Variants in ARHGEF18 observed in about 807,000 individuals in gnomAD.
ARHGEF18 encodes Rho/Rac guanine nucleotide exchange factor 18.
A neutral mutation model predicts 155.7 loss-of-function variants in ARHGEF18; 93 were observed. That is an observed-to-expected ratio of 0.60 (90% CI 0.50 to 0.71). The LOEUF is 0.71. Ranked by LOEUF, ARHGEF18 falls within the 30% of genes least tolerant of loss-of-function variation. The probability of loss-of-function intolerance (pLI) is 0.00; values close to 1 mark genes in which losing one functional copy is unlikely to be tolerated. For synonymous variants in ARHGEF18, 742 were observed against 753.1 expected, an observed-to-expected ratio of 0.99 and a Z score of 0.24; for missense variants, 1,593 against 1,816.1, an observed-to-expected ratio of 0.88 and a Z score of 2.23.
At chr19:7,439,664 G>GCCGTATCATTAAAAA in intron 10 of ARHGEF18, 1 of 1,178,232 alleles carries the variant, frequency 8.5e-7, no homozygotes, top group Admixed American at 4.2e-5. Context: ...AATTCTGTTC[G>GCCGTATCATTAAAAA]AGTGCTGATG....
At chr19:7,442,119 TCCCTC>T in intron 13 of ARHGEF18, 67 bp downstream of exon 13, 1 of 1,469,672 alleles carries the variant, frequency 6.8e-7, no homozygotes, top group African/African-American at 1.5e-5. Context: ...CCTCCCTTCC[TCCCTC>T]CCTTCCTTCC....
intron 1 of ARHGEF18, among the ~76,000 whole-genome samples, chr19:7,360,393 G>GC (rs1401576439): frequency 6.6e-6 from 1 of 152,016 alleles, no homozygotes; most frequent in Non-Finnish European, 1.5e-5. Context: ...ATGCCACCAT[G>GC]CCCAGCTAAT....
At chr19:7,438,031 CT>C (rs1334291132) in intron 10 of ARHGEF18, among the ~76,000 whole-genome samples, 5 of 119,806 alleles carry the variant, frequency 4.2e-5, no homozygotes, top group South Asian at 3.7e-4. Context: ...TTCCCTTCCC[CT>C]CTCCTCTTCT....
Position 7,450,431 on chromosome 19 carries a change from CTTTCCG to C in ARHGEF18, c.1738-705_1738-700del, listed in dbSNP as rs1242782187. On this transcript the variant is annotated intron_variant, in intron 15 of 28. Transcript: ENST00000668164. Reference sequence around the variant, plus strand: ...TCCAAGATGTTAATGCGGGATCTTGCTTTCCGTTTCCGTTTCCGAGATGTTAATACA... The same window carrying C: ...TCCAAGATGTTAATGCGGGATCTTGCTTTCCGTTTCCGAGATGTTAATACA... 6.9e-3 allele frequency among the ~76,000 whole-genome samples: 10 copies of C among 1,454 alleles called. No homozygotes were observed. The East Asian group carries it at 0.12, about 17-fold the overall frequency. The allele number at this position is 1,454 out of a possible 152,430, so 1.0% of individuals were successfully genotyped here.
Position 7,376,703 on chromosome 19 carries a change from A to G in ARHGEF18, c.487A>G (p.Ile163Val), listed in dbSNP as rs1970475273. Residue 163 changes from isoleucine (I) to valine (V), a missense_variant, in exon 5 of 29, where the codon ATC (isoleucine) becomes GTC (valine). Ile to Val is a conservative substitution (Grantham distance 29). Coordinates refer to ENST00000668164, the MANE Select transcript of ARHGEF18 (RefSeq NM_001367823.1). ...GTCCGTTCCTGTGTCCTTCTATGAGATCCGCTCTCCGGAAATCTCTCCGGG... is the reference window on the plus strand; with the variant it reads ...GTCCGTTCCTGTGTCCTTCTATGAGGTCCGCTCTCCGGAAATCTCTCCGGG... ...SRSVPVSFYE[I>V]RSPEISPGLE... 3 of 1,234,382 alleles carry G rather than the reference A, an allele frequency of 2.4e-6. No individual in the cohort carries two copies. In the East Asian group the frequency reaches 9.5e-5, roughly 39 times the overall value. 76.5% of individuals were successfully genotyped at this position (1,234,382 alleles called of 1,614,324 possible).
At chr19:7,351,049 C>T (rs1367454201) in intron 1 of ARHGEF18, among the ~76,000 whole-genome samples, 3 of 152,192 alleles carry the variant, frequency 2.0e-5, no homozygotes, top group African/African-American at 4.8e-5. Flanking sequence ...GGTGATCTGC[C>T]TGCCTTGGCC....
At chr19:7,402,627 T>C (rs952989362) in intron 10 of ARHGEF18, among the ~76,000 whole-genome samples, 1 of 151,798 alleles carries the variant, frequency 6.6e-6, no homozygotes, top group Non-Finnish European at 1.5e-5. Flanking sequence ...TAAGGAATGG[T>C]TTGAGACTGA....
chr19:7,421,822 A>G (rs954300480), intron 10 of ARHGEF18, among the ~76,000 whole-genome samples: 1 of 152,116 alleles, frequency 6.6e-6, no homozygotes, highest in African/African-American at 2.4e-5. Context: ...GCACGTCTCA[A>G]CAGCCTTCAG....
At chr19:7,460,550 C>T (rs1341866970) in intron 20 of ARHGEF18, among the ~76,000 whole-genome samples, 1 of 152,066 alleles carries the variant, frequency 6.6e-6, no homozygotes, top group African/African-American at 2.4e-5. Flanking sequence ...AGTCACTCCC[C>T]ACCCCATGCC....
At chr19:7,372,749 C>T (rs1568274601) in intron 2 of ARHGEF18, 63 bp from the exon 3 acceptor site, 6 of 1,230,274 alleles carry the variant, frequency 4.9e-6, no homozygotes, top group African/African-American at 1.5e-5. Flanking sequence ...GGTCAAGAGA[C>T]CCCAGGTTCT....
At chr19:7,416,254 T>A (rs1972999461) in intron 10 of ARHGEF18, among the ~76,000 whole-genome samples, 1 of 151,308 alleles carries the variant, frequency 6.6e-6, no homozygotes, top group Non-Finnish European at 1.5e-5. Flanking sequence ...AAATTTTTTT[T>A]AATTAGCCAG....
At chr19:7,350,843 G>A (rs144103968) in intron 1 of ARHGEF18, among the ~76,000 whole-genome samples, 2 of 149,002 alleles carry the variant, frequency 1.3e-5, no homozygotes, top group East Asian at 2.0e-4. Context: ...TTGCTCTATC[G>A]CCCAGGCTGG....
intron 27 of ARHGEF18, among the ~76,000 whole-genome samples, chr19:7,469,543 C>T (rs983410356): frequency 1.3e-5 from 2 of 152,174 alleles, no homozygotes; most frequent in African/African-American, 2.4e-5. Context: ...AGTGTTTCCA[C>T]GGAGGATGTC....
chr19:7,389,317 A>ATTTTTT (rs1203819709), intron 10 of ARHGEF18, among the ~76,000 whole-genome samples: 2 of 112,978 alleles, frequency 1.8e-5, no homozygotes, highest in African/African-American at 3.6e-5. Context: ...TACCAGGATA[A>ATTTTTT]TTTTTTTTTT....
At chr19:7,374,671 C>T (rs1039657445) in intron 3 of ARHGEF18, among the ~76,000 whole-genome samples, 28 of 142,394 alleles carry the variant, frequency 2.0e-4, no homozygotes, top group Admixed American at 6.7e-5. Flanking sequence ...GAGCGAGACT[C>T]TGTCTCAAAA....
intron 10 of ARHGEF18, among the ~76,000 whole-genome samples, chr19:7,399,716 G>A (rs8109789): frequency 0.081 from 12,217 of 150,570 alleles, 1,628 homozygotes; most frequent in African/African-American, 0.28. Context: ...TCCTGACCTC[G>A]TGATCCGCCC....
rs1018844180 is a variant in ARHGEF18 at position 7,384,451 on chromosome 19, C to T, written c.967+1248C>T. On this transcript the variant is annotated intron_variant, in intron 10 of 28. Transcript: ENST00000668164. ...CACCCCCGGGGCAAGTGCCTCTGAG[C>T]AACGTGCCTTGCAGGTTTTGCATTT... Among the ~76,000 whole-genome samples, 4 of 152,226 alleles carry T rather than the reference C, an allele frequency of 2.6e-5. No homozygotes were observed. In the East Asian group the frequency reaches 7.7e-4, roughly 29 times the overall value.
intron 1 of ARHGEF18, among the ~76,000 whole-genome samples, chr19:7,362,078 A>AAGAG (rs1969612968): frequency 3.1e-4 from 6 of 19,342 alleles, no homozygotes; most frequent in Admixed American, 4.2e-4. Context: ...AAGGAGAAGG[A>AAGAG]GAAGGAGAAG....
intron 1 of ARHGEF18, among the ~76,000 whole-genome samples, chr19:7,357,454 T>C (rs1436688460): frequency 6.6e-6 from 1 of 152,154 alleles, no homozygotes; most frequent in Non-Finnish European, 1.5e-5. Flanking sequence ...AACCCTTTTA[T>C]GGCTGATGCT....
Sources: gnomAD v4.1 joint callset for allele counts (sites outside exome capture counted in the v4.1 genomes callset) on GRCh38, gnomAD v4.1.1 for gene constraint, MANE v1.5 for transcripts, NCBI Gene and HGNC (gene_info 2026-07-23, HGNC 2026-07-21) for gene names.